Variants in GATB observed in about 807,000 individuals in gnomAD.
The protein encoded by GATB is glutamyl-tRNA(Gln) amidotransferase subunit B, mitochondrial.
In GATB, 39 loss-of-function variants were observed where a neutral mutation model predicts 62.3. That is an observed-to-expected ratio of 0.63 (90% CI 0.48 to 0.82). The LOEUF (loss-of-function observed/expected upper bound fraction) is 0.82. Ranked by LOEUF, GATB falls within the 40% of genes least tolerant of loss-of-function variation. GATB has a pLI of 0.00. For missense variants in GATB, 670 were observed against 684.0 expected, an observed-to-expected ratio of 0.98 and a Z score of 0.23; for synonymous variants, 276 against 258.9, an observed-to-expected ratio of 1.07 and a Z score of -0.63.
intron 2 of GATB, among the ~76,000 whole-genome samples, chr4:151,727,974 C>G (rs556023155): frequency 3.0e-4 from 45 of 152,246 alleles, no homozygotes; most frequent in African/African-American, 9.9e-4. Context: ...CAAAATAAGG[C>G]ACAACAGATG....
At chr4:151,743,186 C>T (rs943404603) in intron 2 of GATB, among the ~76,000 whole-genome samples, 18 of 151,998 alleles carry the variant, frequency 1.2e-4, no homozygotes, top group South Asian at 2.1e-4. Flanking sequence ...CTATTTGCAT[C>T]GTGATCAACA....
Position 151,717,033 on chromosome 4 carries a change from C to T in GATB, c.483G>A (p.Val161=), listed in dbSNP as rs1738927846. 2 of 1,614,052 alleles carry T rather than the reference C, an allele frequency of 1.2e-6. No individual in the cohort carries two copies. Among genetic ancestry groups the T allele is most frequent in the African/African-American group, 1.3e-5 (1 of 74,910 alleles). The change falls in exon 4 of 13, where the codon GTG becomes GTA. Residue 161 remains valine, a synonymous_variant. Coordinates refer to ENST00000263985, the MANE Select transcript of GATB (RefSeq NM_004564.3). ...QITQQRLPIA[V]NGSLIYGVCA... ...AGACGCCATATATCAAGCTCCCATT[C>T]ACAGCAATTGGGAGCCTCTGCTGGG...
intron 10 of GATB, among the ~76,000 whole-genome samples, chr4:151,680,298 T>G (rs1738114008): frequency 1.3e-5 from 2 of 149,344 alleles, no homozygotes; most frequent in Non-Finnish European, 1.5e-5. Context: ...AAAAACCAGC[T>G]AACAAAGTCA....
chr4:151,731,531 T>C (rs563396588), intron 2 of GATB, among the ~76,000 whole-genome samples: 2,018 of 152,068 alleles, frequency 0.013, 41 homozygotes, highest in African/African-American at 0.046. Context: ...TCTGCCCGGC[T>C]GCCACCCCGT....
chr4:151,673,067 CGTTG>C, intron 11 of GATB, 171 bp from the exon 12 acceptor site: 1 of 742,336 alleles, frequency 1.3e-6, no homozygotes, highest in Non-Finnish European at 2.1e-6. Context: ...CCTGCCAGAG[CGTTG>C]GCTCTCCTGA....
chr4:151,742,340 G>A (rs1434488340), intron 2 of GATB, among the ~76,000 whole-genome samples: 1 of 151,822 alleles, frequency 6.6e-6, no homozygotes, highest in Admixed American at 6.6e-5. Flanking sequence ...CGCCTGCCTT[G>A]GCCTCCCAAA....
At chr4:151,672,487 G>A (rs540910047) in intron 12 of GATB, 7 of 377,192 alleles carry the variant, frequency 1.9e-5, no homozygotes, top group East Asian at 4.2e-5. Context: ...CTTGGATTTC[G>A]TGAGCTTGCT....
At chr4:151,721,595 T>C (rs1739033873) in intron 2 of GATB, 1 of 152,534 alleles carries the variant, frequency 6.6e-6, no homozygotes, top group Admixed American at 6.5e-5. Flanking sequence ...GTCCCGACCC[T>C]GGGCTTTGCT....
At chr4:151,702,379 G>GTC (rs1738624146) in intron 8 of GATB, among the ~76,000 whole-genome samples, 2 of 152,184 alleles carry the variant, frequency 1.3e-5, no homozygotes, top group Admixed American at 1.3e-4. Flanking sequence ...AAGAGGTGGA[G>GTC]CACAGGGCAT....
intron 10 of GATB, among the ~76,000 whole-genome samples, chr4:151,681,645 C>G (rs1356125437): frequency 6.6e-6 from 1 of 152,142 alleles, no homozygotes; most frequent in Non-Finnish European, 1.5e-5. Context: ...TAGGCCCATA[C>G]AAGTCGATGA....
At chr4:151,695,821 G>A (rs534587846) in intron 9 of GATB, among the ~76,000 whole-genome samples, 160 of 151,944 alleles carry the variant, frequency 1.1e-3, no homozygotes, top group Non-Finnish European at 2.0e-3. Flanking sequence ...GCAGTGGCAC[G>A]ACCACAGCTC....
chr4:151,671,084 G>C lies in GATB; in HGVS notation c.*90C>G, dbSNP rs1373257010. The C allele has an allele frequency of 2.1e-6, 3 of 1,431,998 alleles. No homozygotes were observed. Among genetic ancestry groups the C allele is most frequent in the Admixed American group, 3.5e-5 (2 of 57,842 alleles). The allele number at this position is 1,431,998 out of a possible 1,614,324, so 88.7% of individuals were successfully genotyped here. A position where few individuals can be genotyped will look rare whatever the true frequency, so the allele number is the denominator to read the frequency against. On this transcript the variant is annotated 3_prime_UTR_variant, in exon 13 of 13. Coordinates refer to ENST00000263985, the MANE Select transcript of GATB (RefSeq NM_004564.3). ...ACAGGGATTGAGAGGCAGCTCTCAG[G>C]GCACATGGGCATCAGCTTTCACAGG...
chr4:151,758,919 T>C lies in GATB; in HGVS notation c.180A>G (p.Glu60=). The C allele has an allele frequency of 6.3e-7, 1 of 1,599,950 alleles. No homozygotes were observed. Among genetic ancestry groups the C allele is most frequent in the South Asian group, 1.1e-5 (1 of 87,344 alleles). ...AACCTACCACAGCAGCCCATTTGTG[T>C]TCACTAAGAAGAAAGAGATAATGGT... ...LHTAQKTRKG[E]HKWAAVVGLE... Residue 60 remains glutamate, a synonymous_variant, in exon 2 of 13, where the codon GAA becomes GAG. Coordinates refer to ENST00000263985, the MANE Select transcript of GATB (RefSeq NM_004564.3).
At chr4:151,690,728 C>T (rs749030836) in intron 9 of GATB, among the ~76,000 whole-genome samples, 5 of 152,170 alleles carry the variant, frequency 3.3e-5, no homozygotes, top group Non-Finnish European at 7.3e-5. Context: ...GGATGGATAA[C>T]ACGGCAAGTC....
intron 2 of GATB, among the ~76,000 whole-genome samples, chr4:151,742,205 CA>C (rs1218356392): frequency 6.6e-6 from 1 of 151,866 alleles, no homozygotes; most frequent in Non-Finnish European, 1.5e-5. Flanking sequence ...TCTTCTGCCT[CA>C]GCCTCCTGAG....
chr4:151,695,291 G>C (rs1738445862), intron 9 of GATB, among the ~76,000 whole-genome samples: 1 of 152,140 alleles, frequency 6.6e-6, no homozygotes, highest in Admixed American at 6.5e-5. Context: ...TCATCTTTGG[G>C]GTAAGTGAGT....
intron 9 of GATB, among the ~76,000 whole-genome samples, chr4:151,692,603 C>T (rs1432015367): frequency 2.0e-5 from 3 of 152,148 alleles, no homozygotes; most frequent in Non-Finnish European, 2.9e-5. Flanking sequence ...GACAGCTGCA[C>T]GCCCACTGCA....
Position 151,760,956 on chromosome 4 carries a change from G to C in GATB, c.27C>G (p.Gly9=), listed in dbSNP as rs1407897364. 1 of 1,612,872 alleles carries C rather than the reference G, an allele frequency of 6.2e-7. No homozygotes were observed. The highest frequency in any genetic ancestry group is 1.7e-5 in the Admixed American group (1 of 59,934). Residue 9 remains glycine (G), a synonymous_variant, in exon 1 of 13, where the codon GGC becomes GGG. Transcript: ENST00000263985. ...CGAAAGCCCAACGTCTTCCACGGCA[G>C]CCCCAGCGCAGCATGGGCGCCGCCA... The part of the protein sequence containing the change: MAAPMLRW[G]CRGRRWAFAR...
intron 9 of GATB, among the ~76,000 whole-genome samples, chr4:151,694,931 C>G (rs1738438351): frequency 6.6e-6 from 1 of 152,198 alleles, no homozygotes; most frequent in East Asian, 1.9e-4. Context: ...TTGGAGACAC[C>G]TTAACCTTTT....
Sources: gnomAD v4.1 joint callset for allele counts (sites outside exome capture counted in the v4.1 genomes callset) on GRCh38, gnomAD v4.1.1 for gene constraint, MANE v1.5 for transcripts, NCBI Gene and HGNC (gene_info 2026-07-23, HGNC 2026-07-21) for gene names.